The following NPFFR2 variants were observed in gnomAD, a reference collection of about 807,000 sequenced individuals.
NPFFR2 encodes neuropeptide FF receptor 2, also known as G-protein coupled receptor 74.
A neutral mutation model predicts 13.1 loss-of-function variants in NPFFR2; 15 were observed. The observed-to-expected ratio is 1.15, with a 90% CI of 0.77 to 1.76. The LOEUF (loss-of-function observed/expected upper bound fraction) is 1.76, where lower values mean the gene tolerates loss of function less well. Ranked by LOEUF, NPFFR2 falls within the 40% of genes most tolerant of loss-of-function variation. The pLI is 0.00. For missense variants in NPFFR2, 572 were observed against 503.5 expected (o/e 1.14, Z -1.30); for synonymous variants, 190 against 175.7 (o/e 1.08, Z -0.65).
chr4:72,123,756 A>G (rs1027511989), intron 1 of NPFFR2, among the ~76,000 whole-genome samples: 15 of 152,230 alleles, frequency 9.9e-5, no homozygotes, highest in African/African-American at 3.1e-4. Flanking sequence ...TATTGATGGA[A>G]TGTATCTTAA....
chr4:72,042,651 A>G (rs577339029), intron 1 of NPFFR2, among the ~76,000 whole-genome samples: 5 of 152,284 alleles, frequency 3.3e-5, no homozygotes, highest in South Asian at 2.1e-4. Context: ...TAACTCTTGT[A>G]TGCTTTAGCA....
In NPFFR2 at chr4:72,129,053, T is replaced by G; in HGVS notation, c.328+134T>G. 6.2e-6 allele frequency: 4 copies of G among 644,020 alleles called. No homozygotes were observed. The East Asian group carries it at 1.1e-4, about 17-fold the overall frequency. 39.9% of individuals were successfully genotyped at this position (644,020 alleles called of 1,614,324 possible). A position where few individuals can be genotyped will look rare whatever the true frequency, so the allele number is the denominator to read the frequency against. ...AATTCCAGGAACTGATCCAGGCACC[T>G]GCCCTCATTGGATCTGCATTCTGAA... On this transcript the variant is annotated intron_variant, in intron 2 of 3. Transcript: ENST00000308744.
At chr4:72,078,032 A>T (rs1324887794) in intron 1 of NPFFR2, among the ~76,000 whole-genome samples, 2 of 152,080 alleles carry the variant, frequency 1.3e-5, no homozygotes, top group Non-Finnish European at 2.9e-5. Context: ...ATAAAAAATG[A>T]GTGCAATATA....
chr4:72,147,779 A>AT lies in NPFFR2; in HGVS notation c.1232dup (p.Leu411PhefsTer6). 6.3e-7 allele frequency: 1 copy of AT among 1,585,152 alleles called. No homozygotes were observed. The highest frequency in any genetic ancestry group is 1.2e-5 in the South Asian group (1 of 85,104). On this transcript the variant is annotated frameshift_variant, in exon 4 of 4. Transcript: ENST00000308744. LOFTEE classifies it low-confidence loss of function (END_TRUNC). ...CCCAACAGGAATTAGTGATGGAAGA[A>AT]TTAAAAGAAACTACTAACAGCAGTG...
intron 1 of NPFFR2, among the ~76,000 whole-genome samples, chr4:72,043,625 C>A (rs1382456539): frequency 6.6e-6 from 1 of 152,260 alleles, no homozygotes; most frequent in Non-Finnish European, 1.5e-5. Flanking sequence ...TTTGTGCTTG[C>A]ATGGGGCCTG....
intron 1 of NPFFR2, among the ~76,000 whole-genome samples, chr4:72,053,382 C>G (rs1310158097): frequency 6.6e-6 from 1 of 151,620 alleles, no homozygotes; most frequent in Non-Finnish European, 1.5e-5. Flanking sequence ...CTAAAATTGT[C>G]CCCAGAAAGA....
At chr4:72,137,575 C>G (rs1440451939) in intron 2 of NPFFR2, among the ~76,000 whole-genome samples, 1 of 152,102 alleles carries the variant, frequency 6.6e-6, no homozygotes, top group East Asian at 1.9e-4. Context: ...CCTTTCCAAA[C>G]TAGAAAACCG....
chr4:72,050,719 T>A (rs7672256), intron 1 of NPFFR2, among the ~76,000 whole-genome samples: 20 of 150,688 alleles, frequency 1.3e-4, no homozygotes, highest in Admixed American at 5.3e-4. Flanking sequence ...CCCACTAACT[T>A]GTCATCTAGC....
intron 1 of NPFFR2, among the ~76,000 whole-genome samples, chr4:72,033,760 T>C (rs1338849177): frequency 6.6e-6 from 1 of 152,222 alleles, no homozygotes; most frequent in Admixed American, 6.5e-5. Context: ...TATCCCATAG[T>C]TCCTATAAAT....
chr4:72,125,546 A>G (rs527416556), intron 1 of NPFFR2, among the ~76,000 whole-genome samples: 65 of 152,334 alleles, frequency 4.3e-4, no homozygotes, highest in African/African-American at 1.5e-3. Flanking sequence ...GAAGTCTGGA[A>G]TGGTTTCCAC....
At chr4:72,054,402 A>T (rs528951572) in intron 1 of NPFFR2, among the ~76,000 whole-genome samples, 2 of 152,088 alleles carry the variant, frequency 1.3e-5, no homozygotes, top group South Asian at 4.1e-4. Context: ...CTTTTCAATA[A>T]ATAGTACTGG....
At chr4:72,125,819 T>C (rs899177850) in intron 1 of NPFFR2, among the ~76,000 whole-genome samples, 11 of 152,310 alleles carry the variant, frequency 7.2e-5, no homozygotes, top group Admixed American at 3.9e-4. Context: ...GGATATCCTA[T>C]TTTAATATAA....
intron 1 of NPFFR2, among the ~76,000 whole-genome samples, chr4:72,128,054 A>T (rs146319479): frequency 7.9e-5 from 12 of 152,288 alleles, no homozygotes; most frequent in Non-Finnish European, 1.6e-4. Flanking sequence ...ACTCCCATCC[A>T]GGTGACAGAG....
At chr4:72,043,450 C>G (rs1016801524) in intron 1 of NPFFR2, among the ~76,000 whole-genome samples, 3 of 152,210 alleles carry the variant, frequency 2.0e-5, no homozygotes, top group African/African-American at 7.2e-5. Context: ...CAAAGTCATC[C>G]CATGAAGGCA....
At chr4:72,056,931 G>T (rs4566627) in intron 1 of NPFFR2, among the ~76,000 whole-genome samples, 135,425 of 151,896 alleles carry the variant, frequency 0.89, 61,467 homozygotes, top group Non-Finnish European at 0.98. Flanking sequence ...AAAGAGAGTG[G>T]TTTTTTGTCT....
At chr4:72,104,530 C>CT (rs1721358613) in intron 1 of NPFFR2, among the ~76,000 whole-genome samples, 1 of 152,040 alleles carries the variant, frequency 6.6e-6, no homozygotes, top group Non-Finnish European at 1.5e-5. Context: ...TTTCCACTAA[C>CT]ATTGTTCAAG....
rs748732010 is a variant in NPFFR2, at chr4:72,032,087, ATTGAGCCGGCAGACTGCGAAAAGTAGC to A, written c.-119_-93del. ...CCGCGGGGGACAGACGTCGGCTGGG[ATTGAGCCGGCAGACTGCGAAAAGTAGC>A]TGGAGCCGGAGCAGGGACAGAACCT... is the stretch of plus-strand genomic sequence containing the variant. On this transcript the variant is annotated 5_prime_UTR_variant, in exon 1 of 4. The change creates a new upstream start codon in the 5' untranslated region. Coordinates refer to ENST00000308744, the MANE Select transcript of NPFFR2 (RefSeq NM_004885.3). The A allele has an allele frequency of 2.5e-6, 4 of 1,613,936 alleles. No homozygotes were observed. The highest frequency in any genetic ancestry group is 3.4e-6 in the Non-Finnish European group (4 of 1,179,982).
chr4:72,125,780 C>G (rs890583848), intron 1 of NPFFR2, among the ~76,000 whole-genome samples: 2 of 152,130 alleles, frequency 1.3e-5, no homozygotes, highest in African/African-American at 2.4e-5. Context: ...AGGACTCTCA[C>G]GATTACATTA....
chr4:72,146,976 A>C lies in NPFFR2; in HGVS notation c.429-2A>C, dbSNP rs1216066209. The C allele has an allele frequency of 2.5e-6, 4 of 1,591,694 alleles. No homozygotes were observed. The highest frequency in any genetic ancestry group is 3.4e-6 in the Non-Finnish European group (4 of 1,164,206). Reference sequence around the variant, plus strand: ...CTCATTTATATTTGTGTTTAATTGCAGGTTCCAGTGTGTGGTCTACCCTTT... The same window carrying C: ...CTCATTTATATTTGTGTTTAATTGCCGGTTCCAGTGTGTGGTCTACCCTTT... On this transcript the variant is annotated splice_acceptor_variant, in intron 3 of 3. Transcript: ENST00000308744. LOFTEE classifies it high-confidence loss of function.
Sources: allele counts gnomAD v4.1 joint callset (sites outside exome capture counted in the v4.1 genomes callset), GRCh38; gene constraint gnomAD v4.1.1; transcripts MANE v1.5; gene names NCBI Gene and HGNC (gene_info 2026-07-23, HGNC 2026-07-21).